The following PPY variants were observed in gnomAD, a reference collection of about 807,000 sequenced individuals.
PPY encodes the protein pancreatic polypeptide prohormone.
In PPY, 6 loss-of-function variants were observed where a neutral mutation model predicts 9.3. That is an observed-to-expected ratio of 0.64 (90% CI 0.35 to 1.27). The LOEUF is 1.27. Ranked by LOEUF, PPY falls within the 50% of genes most tolerant of loss-of-function variation. The pLI is 0.03. For missense variants in PPY, 109 were observed against 119.1 expected, an observed-to-expected ratio of 0.91 and a Z score of 0.40; for synonymous variants, 58 against 54.6, an observed-to-expected ratio of 1.06 and a Z score of -0.27.
At chr17:43,941,364 AGGGGCT>A (rs1247992714) in intron 2 of PPY, 94 bp downstream of exon 2, 8 of 1,559,826 alleles carry the variant, frequency 5.1e-6, no homozygotes, top group South Asian at 3.4e-5. Flanking sequence ...CAGGCCTGGA[AGGGGCT>A]GGGGCTGGGG....
At position 43,940,888 on chromosome 17, in the gene PPY, C is replaced by A. The variant is rs765829955; in HGVS notation, c.*40G>T. On this transcript the variant is annotated 3_prime_UTR_variant, in exon 4 of 4. Coordinates refer to ENST00000225992, the MANE Select transcript of PPY (RefSeq NM_002722.5). ...CAAGGGTGCAGAGGGGAGAGCTGGGCTGGCGCTGCTCATGGAGTCGTAGGA... is the reference window on the plus strand; with the variant it reads ...CAAGGGTGCAGAGGGGAGAGCTGGGATGGCGCTGCTCATGGAGTCGTAGGA... The A allele has an allele frequency of 3.8e-6, 6 of 1,591,784 alleles. No individual in the cohort carries two copies. The African/African-American group carries it at 6.7e-5, about 18-fold the overall frequency.
In PPY at chr17:43,940,960, G is replaced by A. The variant is rs963766391; in HGVS notation, c.264-8C>T. 1.2e-5 allele frequency: 20 copies of A among 1,607,406 alleles called. No homozygotes were observed. Among genetic ancestry groups the A allele is most frequent in the Non-Finnish European group, 1.7e-5 (20 of 1,177,212 alleles). On this transcript the variant is annotated splice_region_variant and splice_polypyrimidine_tract_variant and intron_variant, in intron 3 of 3. Transcript: ENST00000225992. ...TCCAGCGGGCTGAGCTCCCTGTGAG[G>A]ACAGGGCAGAACATGGCAGTGTAGG... is the stretch of plus-strand genomic sequence containing the variant.
In PPY at chr17:43,942,179, T is replaced by G. The variant is rs2048584093; in HGVS notation, c.-1+242A>C. ...AAAGGCACTCACACAGGGACCCCAG[T>G]CACTCACAAGGTCACAGTCACACAT... On this transcript the variant is annotated intron_variant, in intron 1 of 3. Transcript: ENST00000225992. The surrounding 1 kb of genome is among the most constrained non-coding windows in gnomAD (Gnocchi z 5.3). 1 of 171,796 alleles carries G rather than the reference T, an allele frequency of 5.8e-6. No individual in the cohort carries two copies. Among genetic ancestry groups the G allele is most frequent in the Non-Finnish European group, 1.3e-5 (1 of 78,450 alleles). The allele number at this position is 171,796 out of a possible 1,614,324, so 10.6% of individuals were successfully genotyped here.
At chr17:43,943,118 C>T (rs957882531), upstream of PPY, among the ~76,000 whole-genome samples, 14 of 152,228 alleles carry the variant, frequency 9.2e-5, no homozygotes, top group African/African-American at 2.6e-4. Context: ...AGGGGGGTGC[C>T]GGTTTCCAGT....
rs781070213 is a variant in PPY at position 43,940,921 on chromosome 17, G to A, written c.*7C>T. The A allele has an allele frequency of 2.5e-5, 40 of 1,606,936 alleles. No homozygotes were observed. The Admixed American group carries it at 6.3e-4, about 25-fold the overall frequency. ...GCTCATGGAGTCGTAGGAGACAGAAGGTGGCATTATAAGTCCAGCGGGCTG... is the reference window on the plus strand; with the variant it reads ...GCTCATGGAGTCGTAGGAGACAGAAAGTGGCATTATAAGTCCAGCGGGCTG... On this transcript the variant is annotated 3_prime_UTR_variant, in exon 4 of 4. Coordinates refer to ENST00000225992, the MANE Select transcript of PPY (RefSeq NM_002722.5).
intron 1 of PPY, among the ~76,000 whole-genome samples, chr17:43,941,925 G>A (rs1232373211): frequency 6.6e-6 from 1 of 152,106 alleles, no homozygotes; most frequent in Non-Finnish European, 1.5e-5. Context: ...TGTGAGTCCT[G>A]GAGACACGGG....
At chr17:43,941,778 G>A in intron 1 of PPY, 124 bp from the exon 2 acceptor site, 2 of 1,117,752 alleles carry the variant, frequency 1.8e-6, no homozygotes, top group Non-Finnish European at 2.5e-6. Context: ...GGGACAAGGG[G>A]GCAGAGCAAA....
upstream of PPY, among the ~76,000 whole-genome samples, chr17:43,943,228 G>A (rs2048589589): frequency 6.6e-6 from 1 of 152,072 alleles, no homozygotes; most frequent in Non-Finnish European, 1.5e-5. Context: ...TGCCAGCTCA[G>A]TCACCTCACT....
In PPY at chr17:43,940,895, T is replaced by C; in HGVS notation, c.*33A>G. 3 of 1,597,488 alleles carry C rather than the reference T, an allele frequency of 1.9e-6. No homozygotes were observed. ...GCAGAGGGGAGAGCTGGGCTGGCGCTGCTCATGGAGTCGTAGGAGACAGAA... is the reference window on the plus strand; with the variant it reads ...GCAGAGGGGAGAGCTGGGCTGGCGCCGCTCATGGAGTCGTAGGAGACAGAA... On this transcript the variant is annotated 3_prime_UTR_variant, in exon 4 of 4. Transcript: ENST00000225992.
chr17:43,941,103 T>C (rs231473), intron 3 of PPY, 40 bp downstream of exon 3: 886,456 of 1,549,224 alleles, frequency 0.57, 259,486 homozygotes, highest in East Asian at 0.92. Context: ...CCATTTCAGC[T>C]CCAGGGAGCT....
At chr17:43,943,059 A>C (rs1246229422), upstream of PPY, among the ~76,000 whole-genome samples, 1 of 152,196 alleles carries the variant, frequency 6.6e-6, no homozygotes, top group Admixed American at 6.5e-5. Flanking sequence ...TGGTGGGTGC[A>C]TAGGATGCAG....
In PPY at chr17:43,941,573, G is replaced by A; in HGVS notation, c.82C>T (p.Gln28Ter). The A allele has an allele frequency of 6.2e-7, 1 of 1,613,882 alleles. No individual in the cohort carries two copies. Among genetic ancestry groups the A allele is most frequent in the Non-Finnish European group, 8.5e-7 (1 of 1,179,990 alleles). The change falls in exon 2 of 4, where the codon CAG becomes TAG. Residue 28 changes from glutamine to a stop codon, truncating the protein, a stop_gained. Transcript: ENST00000225992. LOFTEE classifies it high-confidence loss of function. ...ALLLQPLLGA[Q>*]GAPLEPVYPG... ...TACACTGGCTCCAGTGGGGCTCCCT[G>A]GGCACCCAGCAGTGGCTGTAGTAAC... is the stretch of plus-strand genomic sequence containing the variant.
At chr17:43,941,384 G>C in intron 2 of PPY, 80 bp downstream of exon 2, 1 of 1,591,494 alleles carries the variant, frequency 6.3e-7, no homozygotes, top group Non-Finnish European at 8.6e-7. Context: ...GCTGGGGCTG[G>C]GGATAGGGTG....
Position 43,941,635 on chromosome 17 carries a change from C to T in PPY, c.20G>A (p.Cys7Tyr). MAAARLCLSLLLLSTCV... is the reference protein window; with the variant it reads MAAARLYLSLLLLSTCV... Reference sequence around the variant, plus strand: ...GGTGGACAGGAGCAGCAGGGAGAGGCAGAGGCGTGCGGCAGCCATCTGAGG... The same window carrying T: ...GGTGGACAGGAGCAGCAGGGAGAGGTAGAGGCGTGCGGCAGCCATCTGAGG... The change falls in exon 2 of 4, where the codon TGC becomes TAC. Residue 7 changes from cysteine to tyrosine, a missense_variant. By Grantham distance (194) the Cys-to-Tyr change is radical. Coordinates refer to ENST00000225992, the MANE Select transcript of PPY (RefSeq NM_002722.5). The T allele has an allele frequency of 6.2e-7, 1 of 1,609,576 alleles. No individual in the cohort carries two copies. The highest frequency in any genetic ancestry group is 8.5e-7 in the Non-Finnish European group (1 of 1,178,544).
intron 3 of PPY, 31 bp from the exon 4 acceptor site, chr17:43,940,983 A>G: frequency 6.2e-7 from 1 of 1,601,604 alleles, no homozygotes; most frequent in Non-Finnish European, 8.5e-7. Flanking sequence ...ATGGCAGTGT[A>G]GGGGGTAGGC....
upstream of PPY, among the ~76,000 whole-genome samples, chr17:43,942,962 A>G (rs1335337959): frequency 5.3e-5 from 8 of 152,164 alleles, no homozygotes; most frequent in African/African-American, 1.9e-4. This position sits in a 1 kb window ranked among gnomAD's most constrained non-coding sequence, Gnocchi z 5.3. Context: ...GCAGCTTGCA[A>G]CTAGAACAAG....
At chr17:43,941,281 C>T (rs1168008546) in intron 2 of PPY, 67 bp from the exon 3 acceptor site, 2 of 1,525,338 alleles carry the variant, frequency 1.3e-6, no homozygotes, top group East Asian at 2.4e-5. Context: ...TTCATATCTG[C>T]CTGTAGGCAC....
chr17:43,943,363 T>G (rs2048590409), upstream of PPY, among the ~76,000 whole-genome samples: 1 of 152,158 alleles, frequency 6.6e-6, no homozygotes, highest in Non-Finnish European at 1.5e-5. Context: ...TGGACTGTTT[T>G]TTTTCCTAAG....
At chr17:43,943,191 T>C (rs1209943110), upstream of PPY, among the ~76,000 whole-genome samples, 4 of 152,172 alleles carry the variant, frequency 2.6e-5, no homozygotes. Flanking sequence ...CAGCTTCATT[T>C]GTAAAGCCTC....
Sources: gnomAD v4.1 joint callset for allele counts (sites outside exome capture counted in the v4.1 genomes callset) on GRCh38, gnomAD v4.1.1 for gene constraint, Gnocchi (gnomAD v3.1) non-coding constraint, MANE v1.5 for transcripts, NCBI Gene and HGNC (gene_info 2026-07-23, HGNC 2026-07-21) for gene names.